LRFN5: variants seen among roughly 807,000 people sequenced by gnomAD.
LRFN5 encodes leucine rich repeat and fibronectin type III domain containing 5.
LRFN5 carries 24 observed loss-of-function variants against 45.6 expected under a neutral mutation model. That is an observed-to-expected ratio of 0.53 (90% CI 0.38 to 0.74). The LOEUF (loss-of-function observed/expected upper bound fraction) is 0.74. Among genes scored for constraint, LRFN5 ranks in the 30% least tolerant of loss-of-function variants. The probability of loss-of-function intolerance (pLI) is 0.00; values close to 1 mark genes in which losing one functional copy is unlikely to be tolerated. For missense variants in LRFN5, 776 were observed against 861.5 expected (o/e 0.90, Z 1.24); for synonymous variants, 340 against 313.8 (o/e 1.08, Z -0.88).
intron 2 of LRFN5, among the ~76,000 whole-genome samples, chr14:41,858,500 G>GT (rs5808160): frequency 1.3e-3 from 194 of 150,018 alleles, no homozygotes; most frequent in African/African-American, 3.7e-3. Context: ...GCTCTAGTAA[G>GT]TTTTTTTTTT....
chr14:41,708,949 C>T (rs1883176857), intron 1 of LRFN5, among the ~76,000 whole-genome samples: 1 of 137,838 alleles, frequency 7.3e-6, no homozygotes, highest in Admixed American at 7.6e-5. Flanking sequence ...ACGTATCCAT[C>T]TGGTGTTCCC....
At position 41,683,433 on chromosome 14, in the gene LRFN5, C is replaced by T. The variant is rs190393338; in HGVS notation, c.-197+74871C>T. 2.4e-4 allele frequency among the ~76,000 whole-genome samples: 36 copies of T among 152,266 alleles called. No homozygotes were observed. The East Asian group carries it at 6.6e-3, about 28-fold the overall frequency. ...GAGACAAAGATACCCACTTTCACTA[C>T]TGTTATTCAACATAGTATGGGGTGT... On this transcript the variant is annotated intron_variant, in intron 1 of 5. Coordinates refer to ENST00000298119, the MANE Select transcript of LRFN5 (RefSeq NM_152447.5).
At chr14:41,651,454 A>G (rs1430497260) in intron 1 of LRFN5, among the ~76,000 whole-genome samples, 1 of 152,182 alleles carries the variant, frequency 6.6e-6, no homozygotes, top group African/African-American at 2.4e-5. Context: ...ACTTACAGAA[A>G]GAACTTGAAA....
chr14:41,854,935 G>A (rs919770289), intron 2 of LRFN5, among the ~76,000 whole-genome samples: 11 of 152,286 alleles, frequency 7.2e-5, no homozygotes, highest in Non-Finnish European at 1.2e-4. Context: ...TGAGTCATCT[G>A]TTGGCAAGGA....
At chr14:41,878,712 G>A (rs1040631210) in intron 2 of LRFN5, among the ~76,000 whole-genome samples, 1 of 152,056 alleles carries the variant, frequency 6.6e-6, no homozygotes, top group Non-Finnish European at 1.5e-5. Flanking sequence ...ACTATTTGGA[G>A]AAATAGACAG....
chr14:41,839,649 T>A (rs1330942603), intron 2 of LRFN5, among the ~76,000 whole-genome samples: 1 of 152,154 alleles, frequency 6.6e-6, no homozygotes, highest in African/African-American at 2.4e-5. Flanking sequence ...ATTTTCTTTA[T>A]AAGAATAATA....
intron 1 of LRFN5, among the ~76,000 whole-genome samples, chr14:41,710,888 C>T (rs544816024): frequency 5.2e-4 from 66 of 127,790 alleles, no homozygotes; most frequent in Admixed American, 1.3e-3. Flanking sequence ...TCTGTCCTTG[C>T]GACAGAATGA....
In LRFN5 at chr14:41,868,687, G is replaced by A. The variant is rs1180197985; in HGVS notation, c.-20-17919G>A. ...AGTATCTAATTTGCCAAAATGAGAA[G>A]CATTTGAATAGAGGCCATTACTAGT... On this transcript the variant is annotated intron_variant, in intron 2 of 5. Transcript: ENST00000298119. Among the ~76,000 whole-genome samples the A allele has an allele frequency of 3.3e-5, 5 of 152,236 alleles. No homozygotes were observed. The East Asian group carries it at 5.8e-4, about 18-fold the overall frequency.
At chr14:41,788,825 G>A (rs1233856021) in intron 2 of LRFN5, among the ~76,000 whole-genome samples, 1 of 151,902 alleles carries the variant, frequency 6.6e-6, no homozygotes, top group Middle Eastern at 3.2e-3. Context: ...AACTTTTTCA[G>A]AATTACTAAT....
chr14:41,697,284 A>C (rs1372404116), intron 1 of LRFN5, among the ~76,000 whole-genome samples: 2 of 151,862 alleles, frequency 1.3e-5, no homozygotes, highest in African/African-American at 4.8e-5. Context: ...GAAGAAATTA[A>C]ATTTTGCTTT....
chr14:41,740,799 A>G lies in LRFN5; in HGVS notation c.-196-26055A>G, dbSNP rs536899591. The stretch of plus-strand genomic sequence containing the variant: ...ATTGAAATTGGCATCAGGTTTGCCA[A>G]TGAGGTGATTTTTATTGTAGAAAAC... On this transcript the variant is annotated intron_variant, in intron 1 of 5. Coordinates refer to ENST00000298119, the MANE Select transcript of LRFN5 (RefSeq NM_152447.5). Among the ~76,000 whole-genome samples the G allele has an allele frequency of 3.9e-5, 6 of 152,186 alleles. 1 individual carries two copies. The highest frequency in any genetic ancestry group is 1.2e-4 in the African/African-American group (5 of 41,580).
intron 1 of LRFN5, among the ~76,000 whole-genome samples, chr14:41,610,628 C>A (rs971041534): frequency 1.1e-5 from 1 of 94,460 alleles, no homozygotes; most frequent in Non-Finnish European, 2.2e-5. Context: ...TCGACTTTAA[C>A]AGAACTTTAC....
intron 2 of LRFN5, among the ~76,000 whole-genome samples, chr14:41,777,317 A>C (rs1483433678): frequency 6.6e-6 from 1 of 151,590 alleles, no homozygotes; most frequent in Non-Finnish European, 1.5e-5. Flanking sequence ...TTAAATAATT[A>C]CTCTATCAAT....
At chr14:41,676,033 G>C (rs1423961394) in intron 1 of LRFN5, among the ~76,000 whole-genome samples, 1 of 152,170 alleles carries the variant, frequency 6.6e-6, no homozygotes. Flanking sequence ...AGAAGGGAAA[G>C]CTCCCTTTTC....
chr14:41,634,905 CT>C (rs1428236470), intron 1 of LRFN5, among the ~76,000 whole-genome samples: 1 of 151,908 alleles, frequency 6.6e-6, no homozygotes, highest in Non-Finnish European at 1.5e-5. Flanking sequence ...TTATAGTCCC[CT>C]GATAAATAAT....
chr14:41,790,983 T>C (rs1248325658), intron 2 of LRFN5, among the ~76,000 whole-genome samples: 2 of 151,852 alleles, frequency 1.3e-5, no homozygotes, highest in African/African-American at 4.8e-5. Context: ...GAGAAATGTG[T>C]ATTAAAATAT....
intron 1 of LRFN5, among the ~76,000 whole-genome samples, chr14:41,633,119 A>T (rs144633794): frequency 1.4e-3 from 215 of 152,196 alleles, no homozygotes; most frequent in Non-Finnish European, 2.6e-3. Flanking sequence ...GTGGAAACCA[A>T]ATGACAGTCT....
intron 1 of LRFN5, among the ~76,000 whole-genome samples, chr14:41,674,453 C>T (rs573076991): frequency 0.014 from 1,837 of 129,788 alleles, 47 homozygotes; most frequent in African/African-American, 0.051. Context: ...TAGGGGCGGC[C>T]GGGCAGAGGC....
At chr14:41,792,545 A>G (rs2138947526) in intron 2 of LRFN5, among the ~76,000 whole-genome samples, 1 of 151,568 alleles carries the variant, frequency 6.6e-6, no homozygotes, top group Non-Finnish European at 1.5e-5. Flanking sequence ...TTCCTTTCCC[A>G]GAGTATTAAT....
Sources: allele counts gnomAD v4.1 joint callset (sites outside exome capture counted in the v4.1 genomes callset), GRCh38; gene constraint gnomAD v4.1.1; transcripts MANE v1.5; gene names NCBI Gene and HGNC (gene_info 2026-07-23, HGNC 2026-07-21).